Variants in KCNIP4 observed in about 807,000 individuals in gnomAD.
The protein encoded by KCNIP4 is potassium voltage-gated channel interacting protein 4, also known as Kv channel-interacting protein 4.
KCNIP4 carries 12 observed loss-of-function variants against 34.0 expected under a neutral mutation model. The ratio of observed to expected loss-of-function variants is 0.35; its 90% CI spans 0.23 to 0.57. The LOEUF (loss-of-function observed/expected upper bound fraction) is 0.57, where lower values mean the gene tolerates loss of function less well. Ranked by LOEUF, KCNIP4 falls within the 20% of genes least tolerant of loss-of-function variation. The probability of loss-of-function intolerance (pLI) is 0.83; values close to 1 mark genes in which losing one functional copy is unlikely to be tolerated. For synonymous variants in KCNIP4, 124 were observed against 102.2 expected, an observed-to-expected ratio of 1.21 and a Z score of -1.29; for missense variants, 238 against 311.7, an observed-to-expected ratio of 0.76 and a Z score of 1.78.
intron 1 of KCNIP4, among the ~76,000 whole-genome samples, chr4:21,134,964 C>T (rs983759117): frequency 1.3e-5 from 2 of 152,214 alleles, no homozygotes; most frequent in Non-Finnish European, 2.9e-5. Context: ...GGAGACAAGG[C>T]TGCAAGGAAA....
intron 1 of KCNIP4, among the ~76,000 whole-genome samples, chr4:21,446,484 A>T (rs1490150607): frequency 6.6e-6 from 1 of 152,034 alleles, no homozygotes; most frequent in Non-Finnish European, 1.5e-5. Flanking sequence ...AGGGACATGG[A>T]TGAAGCTGGA....
chr4:21,539,062 C>T (rs1416080706), intron 1 of KCNIP4, among the ~76,000 whole-genome samples: 1 of 152,176 alleles, frequency 6.6e-6, no homozygotes, highest in Admixed American at 6.5e-5. Flanking sequence ...CTCGCTCCTG[C>T]CGCCTTGTGA....
chr4:21,366,887 T>C (rs75979557), intron 1 of KCNIP4, among the ~76,000 whole-genome samples: 561 of 152,242 alleles, frequency 3.7e-3, no homozygotes, highest in Non-Finnish European at 6.1e-3. Flanking sequence ...TCTAAATGTA[T>C]TTCCTAAAAC....
intron 1 of KCNIP4, among the ~76,000 whole-genome samples, chr4:21,948,247 T>C (rs1367753247): frequency 3.9e-5 from 6 of 152,186 alleles, no homozygotes; most frequent in African/African-American, 1.4e-4. Context: ...TCTGGAGTCA[T>C]CTGGCAGATG....
intron 1 of KCNIP4, among the ~76,000 whole-genome samples, chr4:21,012,730 A>G (rs1739165331): frequency 1.3e-5 from 2 of 152,228 alleles, no homozygotes; most frequent in African/African-American, 4.8e-5. Flanking sequence ...TTTGTAGATC[A>G]CCTAGGAAGT....
intron 1 of KCNIP4, chr4:21,613,338 T>C: frequency 6.6e-6 from 1 of 152,178 alleles, no homozygotes; most frequent in South Asian, 2.1e-4. Flanking sequence ...TCAGTCTCTG[T>C]GGGCCACCAT....
At position 21,468,562 on chromosome 4, in the gene KCNIP4, A is replaced by G. The variant is rs1730187063; in HGVS notation, c.61+480009T>C. Reference sequence around the variant, plus strand: ...GTTTAGGCTGTGGGGTTGGCTCTTCAGTCCTAACACAGTCCCACTCTCTGG... The same window carrying G: ...GTTTAGGCTGTGGGGTTGGCTCTTCGGTCCTAACACAGTCCCACTCTCTGG... On this transcript the variant is annotated intron_variant, in intron 1 of 8. Coordinates refer to ENST00000382152, the MANE Select transcript of KCNIP4 (RefSeq NM_025221.6). Among the ~76,000 whole-genome samples, 4 of 152,226 alleles carry G rather than the reference A, an allele frequency of 2.6e-5. No individual in the cohort carries two copies. In the South Asian group the frequency reaches 8.3e-4, roughly 31 times the overall value.
intron 1 of KCNIP4, among the ~76,000 whole-genome samples, chr4:21,390,072 G>C (rs934245561): frequency 1.3e-5 from 2 of 150,670 alleles, no homozygotes; most frequent in African/African-American, 4.9e-5. Context: ...GCATTTTTTT[G>C]TGTGTCTGTT....
chr4:21,131,030 G>T (rs1337738493), intron 1 of KCNIP4, among the ~76,000 whole-genome samples: 6 of 152,070 alleles, frequency 3.9e-5, no homozygotes, highest in Non-Finnish European at 7.4e-5. Flanking sequence ...TAATCTAGTT[G>T]AAAAATCCTA....
chr4:21,455,838 T>C (rs1354062829), intron 1 of KCNIP4, among the ~76,000 whole-genome samples: 9 of 114,918 alleles, frequency 7.8e-5, no homozygotes, highest in Non-Finnish European at 1.2e-4. Flanking sequence ...TATATATATA[T>C]ATATATATAT....
chr4:21,661,862 AAC>A (rs1216705434), intron 1 of KCNIP4, among the ~76,000 whole-genome samples: 1 of 152,222 alleles, frequency 6.6e-6, no homozygotes, highest in Non-Finnish European at 1.5e-5. Flanking sequence ...GAAAATACCA[AAC>A]AATTTTAGTG....
At chr4:21,219,314 G>A (rs1360444771) in intron 1 of KCNIP4, among the ~76,000 whole-genome samples, 1 of 152,188 alleles carries the variant, frequency 6.6e-6, no homozygotes, top group Non-Finnish European at 1.5e-5. Context: ...CTAAATGACA[G>A]AGATTGGAGA....
rs1747458016 is a variant in KCNIP4, at chr4:20,729,758, A to AAAATCACTGATAT, written c.*311_*323dup. The stretch of plus-strand genomic sequence containing the variant: ...GAGTAGCAAAAAACACTGATATTTT[A>AAAATCACTGATAT]AAATCACTGATATGTGAAAGCCTCA... On this transcript the variant is annotated 3_prime_UTR_variant, in exon 9 of 9. Coordinates refer to ENST00000382152, the MANE Select transcript of KCNIP4 (RefSeq NM_025221.6). 1.8e-5 allele frequency: 4 copies of AAAATCACTGATAT among 221,960 alleles called. No individual in the cohort carries two copies. Among genetic ancestry groups the AAAATCACTGATAT allele is most frequent in the Non-Finnish European group, 3.5e-5 (4 of 114,094 alleles). 13.7% of individuals were successfully genotyped at this position (221,960 alleles called of 1,614,324 possible). A position where few individuals can be genotyped will look rare whatever the true frequency, so the allele number is the denominator to read the frequency against.
chr4:20,956,366 G>A (rs535447269), intron 1 of KCNIP4, among the ~76,000 whole-genome samples: 4 of 152,172 alleles, frequency 2.6e-5, no homozygotes, highest in South Asian at 2.1e-4. Context: ...TTAGCCGGGC[G>A]TGGTGGCGGG....
At chr4:21,725,000 CTTCACAGAAG>C (rs1231836114) in intron 1 of KCNIP4, among the ~76,000 whole-genome samples, 10 of 152,122 alleles carry the variant, frequency 6.6e-5, no homozygotes, top group Admixed American at 1.3e-4. Flanking sequence ...AACACTTTAG[CTTCACAGAAG>C]TTCCTGTGAG....
rs200957918 is a variant in KCNIP4, at chr4:21,835,074, C to A, written c.61+113497G>T. Among the ~76,000 whole-genome samples the A allele has an allele frequency of 7.2e-5, 11 of 152,116 alleles. No homozygotes were observed. In the East Asian group the frequency reaches 2.1e-3, roughly 29 times the overall value. On this transcript the variant is annotated intron_variant, in intron 1 of 8. Transcript: ENST00000382152. ...ATTCTCTTTTTTGGTTATGTCTCTG[C>A]CCAGCTTGAATTAAATTTAAAGTGA...
intron 1 of KCNIP4, among the ~76,000 whole-genome samples, chr4:21,770,798 T>C (rs373664972): frequency 1.3e-5 from 2 of 152,206 alleles, no homozygotes; most frequent in East Asian, 3.8e-4. Flanking sequence ...GGGTTGTTTT[T>C]TTCCTTGTAA....
intron 5 of KCNIP4, among the ~76,000 whole-genome samples, chr4:20,742,114 G>A (rs752002784): frequency 4.1e-4 from 62 of 152,194 alleles, no homozygotes; most frequent in Non-Finnish European, 7.6e-4. Flanking sequence ...GGACCAGATG[G>A]ATTCACAGCT....
At chr4:21,156,447 C>A (rs1017952488) in intron 1 of KCNIP4, among the ~76,000 whole-genome samples, 1 of 152,032 alleles carries the variant, frequency 6.6e-6, no homozygotes, top group Non-Finnish European at 1.5e-5. Context: ...TTGGAGACAC[C>A]CAGGATCCCA....
Sources: allele counts gnomAD v4.1 joint callset (sites outside exome capture counted in the v4.1 genomes callset), GRCh38; gene constraint gnomAD v4.1.1; transcripts MANE v1.5; gene names NCBI Gene and HGNC (gene_info 2026-07-23, HGNC 2026-07-21).